Variants in SRPK2 observed in about 807,000 individuals in gnomAD.
SRPK2 encodes SRSF protein kinase 2.
Under a neutral mutation model 90.8 loss-of-function variants are expected in SRPK2, and 21 were observed. The observed-to-expected ratio is 0.23, with a 90% CI of 0.16 to 0.33. The LOEUF (loss-of-function observed/expected upper bound fraction) is 0.33, where lower values mean the gene tolerates loss of function less well. Among genes scored for constraint, SRPK2 ranks in the 10% least tolerant of loss-of-function variants. The probability of loss-of-function intolerance (pLI) is 1.00; values close to 1 mark genes in which losing one functional copy is unlikely to be tolerated. For synonymous variants in SRPK2, 288 were observed against 311.1 expected, an observed-to-expected ratio of 0.93 and a Z score of 0.78; for missense variants, 620 against 869.0, an observed-to-expected ratio of 0.71 and a Z score of 3.60.
At chr7:105,224,138 C>CCATA (rs1452182232) in intron 2 of SRPK2, among the ~76,000 whole-genome samples, 1 of 152,116 alleles carries the variant, frequency 6.6e-6, no homozygotes, top group African/African-American at 2.4e-5. Context: ...GACATCTGTA[C>CCATA]CATATTAAGC....
intron 2 of SRPK2, chr7:105,244,870 T>C: frequency 7.8e-7 from 1 of 1,276,986 alleles, no homozygotes; most frequent in Non-Finnish European, 1.1e-6. Flanking sequence ...CTCAAGTTCA[T>C]CAAGAAAAGG....
At chr7:105,226,858 C>T (rs1798775690) in intron 2 of SRPK2, among the ~76,000 whole-genome samples, 1 of 151,964 alleles carries the variant, frequency 6.6e-6, no homozygotes, top group African/African-American at 2.4e-5. Flanking sequence ...ATTAGCCAGG[C>T]TTGAACCTCG....
intron 11 of SRPK2, among the ~76,000 whole-genome samples, chr7:105,133,745 A>G (rs879530190): frequency 1.3e-5 from 2 of 152,248 alleles, no homozygotes; most frequent in Admixed American, 1.3e-4. Flanking sequence ...GGTCCCAGAC[A>G]GAGGTCTCCT....
At chr7:105,392,207 G>A (rs947382792), upstream of SRPK2, among the ~76,000 whole-genome samples, 6 of 152,190 alleles carry the variant, frequency 3.9e-5, no homozygotes, top group Admixed American at 3.3e-4. Context: ...GGGAGAAGGA[G>A]GGAGCAACTG....
At chr7:105,305,529 T>C (rs1006415918) in intron 2 of SRPK2, among the ~76,000 whole-genome samples, 2 of 152,212 alleles carry the variant, frequency 1.3e-5, no homozygotes, top group African/African-American at 2.4e-5. Context: ...TTTAAATGCA[T>C]CTGACAGATA....
At chr7:105,270,386 G>A (rs1805669096) in intron 2 of SRPK2, among the ~76,000 whole-genome samples, 1 of 149,064 alleles carries the variant, frequency 6.7e-6, no homozygotes, top group Non-Finnish European at 1.5e-5. Flanking sequence ...CTCTGCCTTG[G>A]ATTTAGGAAC....
intron 2 of SRPK2, among the ~76,000 whole-genome samples, chr7:105,254,658 T>A (rs28454968): frequency 0.018 from 2,753 of 150,178 alleles, 95 homozygotes; most frequent in African/African-American, 0.066. Flanking sequence ...TTGAAGTACA[T>A]CTGCTTGTTT....
At chr7:105,337,317 A>ATTTTTT (rs773258549) in intron 2 of SRPK2, among the ~76,000 whole-genome samples, 3 of 136,562 alleles carry the variant, frequency 2.2e-5, no homozygotes, top group Non-Finnish European at 4.8e-5. Flanking sequence ...TCATGAAGGG[A>ATTTTTT]TTTTTTTTTT....
At chr7:105,200,989 T>C (rs1196112811) in intron 3 of SRPK2, among the ~76,000 whole-genome samples, 3 of 152,186 alleles carry the variant, frequency 2.0e-5, no homozygotes, top group African/African-American at 7.2e-5. Flanking sequence ...TTTTGATATA[T>C]AGGAGAATGT....
At chr7:105,167,338 A>G in intron 6 of SRPK2, 39 bp downstream of exon 6, 1 of 1,538,308 alleles carries the variant, frequency 6.5e-7, no homozygotes, top group South Asian at 1.1e-5. Flanking sequence ...TCATTTTTTA[A>G]AAGGTAAAAA....
In SRPK2 at chr7:105,153,148, T is replaced by C. The variant is rs138735129; in HGVS notation, c.622-6490A>G. ...CCCAGACGAGCCAGGGACGTGACTC[T>C]CAATCATCCCACTCAGGGAGCCATT... On this transcript the variant is annotated intron_variant, in intron 7 of 15. Coordinates refer to ENST00000393651, the MANE Select transcript of SRPK2 (RefSeq NM_182692.3). Among the ~76,000 whole-genome samples the C allele has an allele frequency of 7.1e-3, 1,082 of 152,188 alleles. 7 individuals are homozygous for C. The highest frequency in any genetic ancestry group is 0.011 in the Non-Finnish European group (764 of 67,994).
At chr7:105,265,624 G>GT (rs1462269613) in intron 2 of SRPK2, among the ~76,000 whole-genome samples, 1 of 151,966 alleles carries the variant, frequency 6.6e-6, no homozygotes, top group African/African-American at 2.4e-5. Context: ...TGAAAACCTA[G>GT]TTTTTTTAAT....
rs1338876993 is a variant in SRPK2 at position 105,314,788 on chromosome 7, A to G, written c.71+73860T>C. Among the ~76,000 whole-genome samples the G allele has an allele frequency of 2.0e-5, 3 of 152,384 alleles. No homozygotes were observed. The East Asian group carries it at 5.8e-4, about 29-fold the overall frequency. ...GGTGTATAGCACATTACATATAACA[A>G]AAGAAAAACCTGTAAACATAAATGT... On this transcript the variant is annotated intron_variant, in intron 2 of 15. Coordinates refer to ENST00000393651, the MANE Select transcript of SRPK2 (RefSeq NM_182692.3).
chr7:105,226,663 G>A (rs1204301991), intron 2 of SRPK2, among the ~76,000 whole-genome samples: 1 of 152,098 alleles, frequency 6.6e-6, no homozygotes, highest in African/African-American at 2.4e-5. Flanking sequence ...CTTTTTTCAA[G>A]TGCAGGATTA....
Position 105,299,980 on chromosome 7 carries a change from C to G in SRPK2, c.71+88668G>C, listed in dbSNP as rs545395114. 8.6e-5 allele frequency among the ~76,000 whole-genome samples: 13 copies of G among 151,980 alleles called. No individual in the cohort carries two copies. In the East Asian group the frequency reaches 2.5e-3, roughly 29 times the overall value. ...CTTCCAGTCACAAGCATATGAAGTG[C>G]CCATCAAAAATTAAATATAATAAAT... On this transcript the variant is annotated intron_variant, in intron 2 of 15. Coordinates refer to ENST00000393651, the MANE Select transcript of SRPK2 (RefSeq NM_182692.3).
intron 7 of SRPK2, among the ~76,000 whole-genome samples, chr7:105,149,408 G>A (rs939753985): frequency 1.3e-5 from 2 of 152,116 alleles, no homozygotes; most frequent in South Asian, 2.1e-4. Flanking sequence ...TCACGTGTTT[G>A]TTGCTGACCT....
In SRPK2 at chr7:105,261,393, C is replaced by T. The variant is rs959762158; in HGVS notation, c.72-57608G>A. On this transcript the variant is annotated intron_variant, in intron 2 of 15. Transcript: ENST00000393651. ...AAAATTAGCCAGGCATTGTGGCGGGCGCCTGTAGTCCCAGCTACTCAGGAG... is the reference window on the plus strand; with the variant it reads ...AAAATTAGCCAGGCATTGTGGCGGGTGCCTGTAGTCCCAGCTACTCAGGAG... 3.8e-3 allele frequency among the ~76,000 whole-genome samples: 575 copies of T among 151,774 alleles called. 3 individuals carry two copies. The highest frequency in any genetic ancestry group is 0.013 in the African/African-American group (541 of 41,432).
intron 2 of SRPK2, among the ~76,000 whole-genome samples, chr7:105,234,339 A>G (rs1799875398): frequency 6.6e-6 from 1 of 152,232 alleles, no homozygotes. Context: ...TTTGAAATGT[A>G]AACTAATATT....
In SRPK2 at chr7:105,268,950, A is replaced by T. The variant is rs1239227125; in HGVS notation, c.72-65165T>A. ...TTATATCAAGAGATTTTTCTTCTCTAATCCCTTTTGTTCAGAATGAGGCCA... is the reference window on the plus strand; with the variant it reads ...TTATATCAAGAGATTTTTCTTCTCTTATCCCTTTTGTTCAGAATGAGGCCA... On this transcript the variant is annotated intron_variant, in intron 2 of 15. Transcript: ENST00000393651. 5.4e-6 allele frequency: 8 copies of T among 1,478,944 alleles called. No individual in the cohort carries two copies. In the East Asian group the frequency reaches 1.7e-4, roughly 32 times the overall value. 91.6% of individuals were successfully genotyped at this position (1,478,944 alleles called of 1,614,324 possible).
Sources: allele counts gnomAD v4.1 joint callset (sites outside exome capture counted in the v4.1 genomes callset), GRCh38; gene constraint gnomAD v4.1.1; transcripts MANE v1.5; gene names NCBI Gene and HGNC (gene_info 2026-07-23, HGNC 2026-07-21).